SCNN1B: variants seen among roughly 807,000 people sequenced by gnomAD.
SCNN1B encodes the protein sodium channel epithelial 1 subunit beta.
SCNN1B carries 46 observed loss-of-function variants against 65.3 expected under a neutral mutation model. The ratio of observed to expected loss-of-function variants is 0.70; its 90% CI spans 0.56 to 0.90. The LOEUF (loss-of-function observed/expected upper bound fraction) is 0.90. Ranked by LOEUF, SCNN1B falls within the 40% of genes least tolerant of loss-of-function variation. The pLI, the probability that SCNN1B is intolerant of heterozygous loss-of-function variation, is 0.00. For missense variants in SCNN1B, 751 were observed against 830.5 expected (o/e 0.90, Z 1.18); for synonymous variants, 349 against 330.6 (o/e 1.06, Z -0.60).
At chr16:23,305,577 TTATATATA>T (rs10571485) in intron 1 of SCNN1B, among the ~76,000 whole-genome samples, 1 of 23,670 alleles carries the variant, frequency 4.2e-5, no homozygotes, top group South Asian at 1.4e-3. Flanking sequence ...TATATATATA[TTATATATA>T]TATATATATA....
chr16:23,278,638 A>T (rs1043859186), intron 1 of SCNN1B, among the ~76,000 whole-genome samples: 13 of 152,088 alleles, frequency 8.5e-5, no homozygotes, highest in African/African-American at 2.7e-4. Flanking sequence ...TTGGAATTAG[A>T]GGTGATGGTT....
Position 23,305,547 on chromosome 16 carries a change from T to TA in SCNN1B, c.-9+3111dup, listed in dbSNP as rs1961183914. On this transcript the variant is annotated intron_variant, in intron 1 of 12. Transcript: ENST00000343070. Reference sequence around the variant, plus strand: ...CAAATATATATATTATATATATATATATATATATATATATATATATATATA... The same window carrying TA: ...CAAATATATATATTATATATATATATAATATATATATATATATATATATATA... 6.6e-5 allele frequency among the ~76,000 whole-genome samples: 3 copies of TA among 45,628 alleles called. 1 individual carries two copies. The highest frequency in any genetic ancestry group is 1.3e-4 in the Non-Finnish European group (3 of 23,394). The allele number at this position is 45,628 out of a possible 152,430, so 29.9% of individuals were successfully genotyped here.
intron 1 of SCNN1B, among the ~76,000 whole-genome samples, chr16:23,346,704 G>T (rs1400051434): frequency 8.4e-6 from 1 of 118,452 alleles, no homozygotes; most frequent in Non-Finnish European, 1.8e-5. Context: ...ACCCCTGCAG[G>T]CTCCCTCCCC....
intron 7 of SCNN1B, among the ~76,000 whole-genome samples, chr16:23,375,433 G>C (rs570107042): frequency 2.0e-5 from 3 of 152,134 alleles, no homozygotes; most frequent in African/African-American, 7.2e-5. Flanking sequence ...GGGGCAAGCC[G>C]CTCTTCCCCA....
chr16:23,377,309 G>A lies in SCNN1B; in HGVS notation c.1347-20G>A. On this transcript the variant is annotated intron_variant, in intron 9 of 12. Transcript: ENST00000343070. ...GGCATCACTGGCAGGGACCACAACA[G>A]GCCTGGCCTTCTCTTTCAGTGACAC... 1 of 1,614,186 alleles carries A rather than the reference G, an allele frequency of 6.2e-7. No homozygotes were observed. Among genetic ancestry groups the A allele is most frequent in the Non-Finnish European group, 8.5e-7 (1 of 1,180,022 alleles).
At chr16:23,313,953 T>C (rs1422620726) in intron 1 of SCNN1B, among the ~76,000 whole-genome samples, 2 of 152,132 alleles carry the variant, frequency 1.3e-5, no homozygotes, top group Non-Finnish European at 1.5e-5. Flanking sequence ...ATGTGCATTC[T>C]TTCATTGAAT....
At chr16:23,287,204 C>T (rs56128807) in intron 2 of SCNN1B, among the ~76,000 whole-genome samples, 12,944 of 151,736 alleles carry the variant, frequency 0.085, 731 homozygotes, top group East Asian at 0.28. Flanking sequence ...GGGGTTTTGC[C>T]ATGTTAGCCA....
chr16:23,376,617 A>G (rs920346982), intron 8 of SCNN1B, among the ~76,000 whole-genome samples: 7 of 152,010 alleles, frequency 4.6e-5, no homozygotes, highest in Admixed American at 3.3e-4. Flanking sequence ...CAACCACCGA[A>G]GAATTTTGTC....
intron 1 of SCNN1B, among the ~76,000 whole-genome samples, chr16:23,345,491 C>A (rs1962167458): frequency 6.6e-6 from 1 of 152,330 alleles, no homozygotes; most frequent in Non-Finnish European, 1.5e-5. Context: ...TCAGAAATTT[C>A]TCTCCATCTC....
chr16:23,365,239 C>G (rs1034704519), intron 4 of SCNN1B, among the ~76,000 whole-genome samples: 23 of 151,470 alleles, frequency 1.5e-4, no homozygotes, highest in Admixed American at 3.3e-4. Context: ...TTACAGTGAA[C>G]CAATATCACG....
chr16:23,294,635 A>G (rs1053985349), intron 2 of SCNN1B, among the ~76,000 whole-genome samples: 2 of 152,076 alleles, frequency 1.3e-5, no homozygotes, highest in African/African-American at 4.8e-5. Flanking sequence ...ATATCTGCAG[A>G]GCCAACCTCC....
chr16:23,286,635 G>A lies in SCNN1B; in HGVS notation n.178+2831G>A, dbSNP rs568290410. Among the ~76,000 whole-genome samples the A allele has an allele frequency of 1.6e-4, 24 of 152,324 alleles. 1 individual carries two copies. In the South Asian group the frequency reaches 4.8e-3, roughly 30 times the overall value. ...TTATAGGAAATACAGCAGACAGCAG[G>A]ACAAATTAAATACACCTCAAGAAAT... is the stretch of plus-strand genomic sequence containing the variant. On this transcript the variant is annotated intron_variant and non_coding_transcript_variant, in intron 2 of 3. Coordinates refer to the SCNN1B transcript ENST00000569789.
chr16:23,356,094 C>T (rs551076714), intron 4 of SCNN1B, among the ~76,000 whole-genome samples: 27 of 152,082 alleles, frequency 1.8e-4, no homozygotes, highest in Non-Finnish European at 3.7e-4. Context: ...CTGCGTGCCC[C>T]GTGAGCTGGT....
At chr16:23,357,842 G>A (rs1962451812) in intron 4 of SCNN1B, among the ~76,000 whole-genome samples, 1 of 152,120 alleles carries the variant, frequency 6.6e-6, no homozygotes. Flanking sequence ...CTTTGCTCAG[G>A]GCACACCCGC....
chr16:23,280,677 C>G (rs1453864295), intron 1 of SCNN1B, among the ~76,000 whole-genome samples: 1 of 152,068 alleles, frequency 6.6e-6, no homozygotes, highest in East Asian at 1.9e-4. Context: ...AGAATAACAC[C>G]AGGAAATGTC....
chr16:23,289,159 G>A (rs776608832), intron 2 of SCNN1B, among the ~76,000 whole-genome samples: 3 of 152,130 alleles, frequency 2.0e-5, no homozygotes, highest in Non-Finnish European at 2.9e-5. Context: ...AGAGCCTACC[G>A]GCCACACCTA....
At position 23,373,373 on chromosome 16, in the gene SCNN1B, C is replaced by T. The variant is rs1403412934; in HGVS notation, c.1152+1490C>T. Among the ~76,000 whole-genome samples the T allele has an allele frequency of 3.9e-5, 6 of 152,312 alleles. No individual in the cohort carries two copies. The East Asian group carries it at 9.6e-4, about 24-fold the overall frequency. ...GAACTCCTGGGCTCAAGCAATCCTCCCACTCTGGCCTCCCAAAGTGCTGGG... is the reference window on the plus strand; with the variant it reads ...GAACTCCTGGGCTCAAGCAATCCTCTCACTCTGGCCTCCCAAAGTGCTGGG... On this transcript the variant is annotated intron_variant, in intron 7 of 12. Transcript: ENST00000343070.
intron 1 of SCNN1B, chr16:23,323,557 G>A (rs1596835653): frequency 1.4e-6 from 1 of 702,946 alleles, no homozygotes; most frequent in Non-Finnish European, 2.6e-6. Context: ...TTTACAGATG[G>A]GGAAACCAGG....
chr16:23,371,444 G>A lies in SCNN1B; in HGVS notation c.1026G>A (p.Thr342=). 2.5e-6 allele frequency: 4 copies of A among 1,613,922 alleles called. No individual in the cohort carries two copies. Among genetic ancestry groups the A allele is most frequent in the African/African-American group, 1.3e-5 (1 of 75,044 alleles). The change falls in exon 6 of 13, where the codon ACG becomes ACA. Residue 342 remains threonine (T), a synonymous_variant. Transcript: ENST00000343070. The stretch of plus-strand genomic sequence containing the variant: ...TCTACGCCATGTCGGGGACAGAGAC[G>A]TCCATCGGGGTACTCGTGGTATGGC... The part of the protein sequence containing the change: ...EGIYAMSGTE[T]SIGVLVDKLQ...
Sources: allele counts gnomAD v4.1 joint callset (sites outside exome capture counted in the v4.1 genomes callset), GRCh38; gene constraint gnomAD v4.1.1; transcripts MANE v1.5; gene names NCBI Gene and HGNC (gene_info 2026-07-23, HGNC 2026-07-21).